KRIT1: variants seen among roughly 807,000 people sequenced by gnomAD.
KRIT1 encodes the protein krev interaction trapped protein 1.
In KRIT1, 45 loss-of-function variants were observed where a neutral mutation model predicts 95.8. The ratio of observed to expected loss-of-function variants is 0.47; its 90% CI spans 0.37 to 0.60. The LOEUF is 0.60. KRIT1 is among the 20% of genes least tolerant of loss of function. KRIT1 has a pLI of 0.00. For missense variants in KRIT1, 788 were observed against 877.5 expected (o/e 0.90, Z 1.29); for synonymous variants, 282 against 278.8 (o/e 1.01, Z -0.11).
At chr7:92,213,144 T>C in intron 17 of KRIT1, 51 bp downstream of exon 17, 6 of 1,252,418 alleles carry the variant, frequency 4.8e-6, no homozygotes, top group Non-Finnish European at 7.0e-6. Context: ...GTTGGTACTG[T>C]TGTTTTAACT....
Position 92,201,365 on chromosome 7 carries a change from G to C in KRIT1, c.2084C>G (p.Thr695Ser), listed in dbSNP as rs1182576533. ...TTCCATGCTATGGATCTGAAAACAA[G>C]TATCAGTATCTCCCAATTGCCACAT... The part of the protein sequence containing the change: ...CFMWQLGDTD[T>S]CFQIHSMENK... Residue 695 changes from threonine (T) to serine (S), a missense_variant, in exon 18 of 19, where the codon ACT (threonine) becomes AGT (serine). Coordinates refer to ENST00000394505, the MANE Select transcript of KRIT1 (RefSeq NM_194454.3). 6.2e-7 allele frequency: 1 copy of C among 1,600,870 alleles called. No homozygotes were observed. Among genetic ancestry groups the C allele is most frequent in the East Asian group, 2.2e-5 (1 of 44,670 alleles).
At chr7:92,239,977 G>T (rs1563318965) in intron 5 of KRIT1, among the ~76,000 whole-genome samples, 1 of 151,966 alleles carries the variant, frequency 6.6e-6, no homozygotes. Flanking sequence ...CCAAAGTGCT[G>T]GGATTACAGA....
intron 10 of KRIT1, among the ~76,000 whole-genome samples, chr7:92,227,339 C>A (rs1384049382): frequency 6.6e-6 from 1 of 151,932 alleles, no homozygotes; most frequent in Admixed American, 6.6e-5. Context: ...CAGAGGCAGG[C>A]GGATCACAAG....
intron 17 of KRIT1, among the ~76,000 whole-genome samples, chr7:92,203,115 T>C (rs902346589): frequency 1.4e-4 from 21 of 152,248 alleles, no homozygotes; most frequent in African/African-American, 5.1e-4. Flanking sequence ...CCTGTAGTTA[T>C]AGAAGGTAGA....
chr7:92,232,694 C>T (rs566643363), intron 10 of KRIT1, among the ~76,000 whole-genome samples: 1 of 152,094 alleles, frequency 6.6e-6, no homozygotes, highest in Admixed American at 6.5e-5. Context: ...CATGTGATTT[C>T]TTTTTTTCCT....
intron 17 of KRIT1, among the ~76,000 whole-genome samples, chr7:92,211,475 T>C (rs925200056): frequency 1.3e-5 from 2 of 151,720 alleles, no homozygotes; most frequent in African/African-American, 2.4e-5. Flanking sequence ...GTCAAGGAGG[T>C]AGAGAGTTGA....
intron 5 of KRIT1, among the ~76,000 whole-genome samples, chr7:92,239,214 C>T (rs1468107392): frequency 6.6e-6 from 1 of 151,698 alleles, no homozygotes; most frequent in Admixed American, 6.5e-5. Flanking sequence ...TCACTCGTAA[C>T]TCCTCCTAAG....
At chr7:92,224,668 G>C (rs918374043) in intron 12 of KRIT1, among the ~76,000 whole-genome samples, 2 of 152,080 alleles carry the variant, frequency 1.3e-5, no homozygotes, top group Non-Finnish European at 2.9e-5. Context: ...GTTGTAATTA[G>C]ATGGAAAGGC....
intron 13 of KRIT1, among the ~76,000 whole-genome samples, chr7:92,222,515 G>T (rs1028510998): frequency 1.3e-5 from 2 of 152,066 alleles, no homozygotes; most frequent in Non-Finnish European, 2.9e-5. Context: ...ATTTCAAAAT[G>T]AACACAAAAA....
chr7:92,242,113 T>G lies in KRIT1; in HGVS notation c.23A>C (p.Glu8Ala), dbSNP rs1585030516. The G allele has an allele frequency of 1.2e-5, 19 of 1,596,234 alleles. No homozygotes were observed. Among genetic ancestry groups the G allele is most frequent in the Non-Finnish European group, 1.6e-5 (19 of 1,164,024 alleles). The change falls in exon 4 of 19, where the codon GAA becomes GCA. Residue 8 changes from glutamate to alanine, a missense_variant. Glu to Ala is a moderately radical substitution (Grantham distance 107, BLOSUM62 -1). Around this residue, in one of 3 missense-constraint regions of KRIT1, gnomAD observed 289 missense variants for 277.5 expected, o/e 1.04. Coordinates refer to ENST00000394505, the MANE Select transcript of KRIT1 (RefSeq NM_194454.3). ...ACGAATAACAGCAACATATGCATCT[T>G]CTATGTTTTCTGGATTTCCCATTGC... Reference protein sequence around the residue: MGNPENIEDAYVAVIRPK... With the variant: MGNPENIADAYVAVIRPK...
chr7:92,229,070 T>C (rs991975496), intron 10 of KRIT1, among the ~76,000 whole-genome samples: 1 of 152,238 alleles, frequency 6.6e-6, no homozygotes, highest in Non-Finnish European at 1.5e-5. Context: ...TGTGTCTTTA[T>C]GGCAAAATGA....
chr7:92,217,136 C>T (rs1794159422), intron 14 of KRIT1, among the ~76,000 whole-genome samples: 1 of 152,120 alleles, frequency 6.6e-6, no homozygotes, highest in South Asian at 2.1e-4. Context: ...TTATTTATCA[C>T]CCAAGTATTA....
intron 3 of KRIT1, among the ~76,000 whole-genome samples, chr7:92,242,564 A>G (rs1308080388): frequency 6.6e-6 from 1 of 151,906 alleles, no homozygotes; most frequent in African/African-American, 2.4e-5. Context: ...ACAAAAGTGA[A>G]TGTTAGTTAT....
At chr7:92,214,842 T>C (rs1024223563) in intron 14 of KRIT1, 65 bp from the exon 15 acceptor site, 3 of 1,123,460 alleles carry the variant, frequency 2.7e-6, no homozygotes, top group African/African-American at 1.5e-5. Context: ...AACAACTTAA[T>C]ATGGGAAAAG....
At position 92,229,111 on chromosome 7, in the gene KRIT1, T is replaced by C. The variant is rs549936504; in HGVS notation, c.990-2429A>G. Among the ~76,000 whole-genome samples the C allele has an allele frequency of 7.9e-5, 12 of 152,328 alleles. No individual in the cohort carries two copies. The East Asian group carries it at 2.1e-3, about 27-fold the overall frequency. On this transcript the variant is annotated intron_variant, in intron 10 of 18. Coordinates refer to ENST00000394505, the MANE Select transcript of KRIT1 (RefSeq NM_194454.3). The stretch of plus-strand genomic sequence containing the variant: ...ATTCCTCTGGGTATATACACAGTAA[T>C]GGGATTGCTAGGTCAAATGGGAGTT...
chr7:92,201,435 T>C lies in KRIT1; in HGVS notation c.2026-12A>G, dbSNP rs1041438637. 8.0e-7 allele frequency: 1 copy of C among 1,242,640 alleles called. No homozygotes were observed. The highest frequency in any genetic ancestry group is 1.5e-5 in the African/African-American group (1 of 67,628). The allele number at this position is 1,242,640 out of a possible 1,614,324, so 77.0% of individuals were successfully genotyped here. On this transcript the variant is annotated splice_polypyrimidine_tract_variant and intron_variant, in intron 17 of 18. Coordinates refer to ENST00000394505, the MANE Select transcript of KRIT1 (RefSeq NM_194454.3). ...CTGATGAGTAAAGCCTGCAACATAA[T>C]TGGAAACAACTATATTGAAATACAT...
At chr7:92,231,062 G>C (rs1288928871) in intron 10 of KRIT1, among the ~76,000 whole-genome samples, 1 of 152,142 alleles carries the variant, frequency 6.6e-6, no homozygotes, top group Non-Finnish European at 1.5e-5. Flanking sequence ...TCTGAAGTCT[G>C]AAAGTACTAT....
At chr7:92,242,914 G>C (rs1208308153) in intron 3 of KRIT1, among the ~76,000 whole-genome samples, 1 of 152,084 alleles carries the variant, frequency 6.6e-6, no homozygotes, top group Admixed American at 6.5e-5. Flanking sequence ...CCCGGGTTCA[G>C]GCGATTCTCC....
intron 10 of KRIT1, 36 bp from the exon 11 acceptor site, chr7:92,226,718 A>C (rs1173733792): frequency 6.3e-7 from 1 of 1,585,014 alleles, no homozygotes; most frequent in Non-Finnish European, 8.6e-7. Flanking sequence ...AAACAACAAC[A>C]AAAAAAACTT....
Sources: allele counts gnomAD v4.1 joint callset (sites outside exome capture counted in the v4.1 genomes callset), GRCh38; gene constraint gnomAD v4.1.1; regional missense constraint gnomAD v4.1.1; transcripts MANE v1.5; gene names NCBI Gene and HGNC (gene_info 2026-07-23, HGNC 2026-07-21).